The following RAPGEFL1 variants were observed in gnomAD, a reference collection of about 807,000 sequenced individuals.
RAPGEFL1 encodes the protein Rap guanine nucleotide exchange factor like 1.
A neutral mutation model predicts 64.4 loss-of-function variants in RAPGEFL1; 31 were observed. The ratio of observed to expected loss-of-function variants is 0.48; its 90% CI spans 0.36 to 0.65. The LOEUF (loss-of-function observed/expected upper bound fraction) is 0.65. RAPGEFL1 is among the 30% of genes least tolerant of loss of function. The pLI, the probability that RAPGEFL1 is intolerant of heterozygous loss-of-function variation, is 0.00. For synonymous variants in RAPGEFL1, 331 were observed against 274.1 expected, an observed-to-expected ratio of 1.21 and a Z score of -2.05; for missense variants, 682 against 677.4, an observed-to-expected ratio of 1.01 and a Z score of -0.08.
chr17:40,191,168 G>T lies in RAPGEFL1; in HGVS notation c.1336-148G>T. 1.4e-6 allele frequency: 1 copy of T among 708,774 alleles called. No individual in the cohort carries two copies. The highest frequency in any genetic ancestry group is 2.2e-6 in the Non-Finnish European group (1 of 447,170). The allele number at this position is 708,774 out of a possible 1,614,324, so 43.9% of individuals were successfully genotyped here. ...TGTTTTCTTTTTCCGCATCTTTGCC[G>T]CCTCCTGTCCTTTCTATTTTTCTAT... On this transcript the variant is annotated intron_variant, in intron 8 of 14. Transcript: ENST00000620260. The surrounding 1 kb of genome is among the most constrained non-coding windows in gnomAD (Gnocchi z 5.1).
At position 40,183,835 on chromosome 17, in the gene RAPGEFL1, CTTTTTTTTTTTTT is replaced by C. The variant is rs34505274; in HGVS notation, c.600-365_600-353del. Among the ~76,000 whole-genome samples the C allele has an allele frequency of 8.8e-5, 5 of 56,880 alleles. 1 individual carries two copies. The highest frequency in any genetic ancestry group is 1.1e-3 in the East Asian group (2 of 1,852). The allele number at this position is 56,880 out of a possible 152,430, so 37.3% of individuals were successfully genotyped here. On this transcript the variant is annotated intron_variant, in intron 2 of 14. Transcript: ENST00000620260. Reference sequence around the variant, plus strand: ...CGCGCCTGGCCTTTTTTTTTTTTGCCTTTTTTTTTTTTTTTTTTTTTTTTTTGAGACAGAGTCA... The same window carrying C: ...CGCGCCTGGCCTTTTTTTTTTTTGCCTTTTTTTTTTTTTGAGACAGAGTCA...
intron 1 of RAPGEFL1, among the ~76,000 whole-genome samples, chr17:40,180,880 C>T (rs1989873885): frequency 6.6e-6 from 1 of 152,212 alleles, no homozygotes; most frequent in African/African-American, 2.4e-5. Context: ...TGCACCTTGT[C>T]TGTCTGTGTG....
At chr17:40,185,186 G>T (rs1197472557) in intron 4 of RAPGEFL1, among the ~76,000 whole-genome samples, 1 of 152,144 alleles carries the variant, frequency 6.6e-6, no homozygotes, top group Non-Finnish European at 1.5e-5. Flanking sequence ...TAATCCAGTG[G>T]TGTACTGGTA....
upstream of RAPGEFL1, chr17:40,177,407 AG>A (rs1018963465): frequency 2.2e-6 from 1 of 447,336 alleles, no homozygotes; most frequent in African/African-American, 2.0e-5. Flanking sequence ...GGGCGAGCCG[AG>A]GAAGGGTAGG....
At position 40,194,036 on chromosome 17, in the gene RAPGEFL1, G is replaced by C; in HGVS notation, c.*248G>C. 1 of 456,892 alleles carries C rather than the reference G, an allele frequency of 2.2e-6. No individual in the cohort carries two copies. Among genetic ancestry groups the C allele is most frequent in the Non-Finnish European group, 4.0e-6 (1 of 250,010 alleles). The allele number at this position is 456,892 out of a possible 1,614,324, so 28.3% of individuals were successfully genotyped here. A position where few individuals can be genotyped will look rare whatever the true frequency, so the allele number is the denominator to read the frequency against. ...TCCCCTCTGAGAAAGGGGATAGAAA[G>C]CTCCTTCCTCTATGTCCTCCCATCG... On this transcript the variant is annotated 3_prime_UTR_variant, in exon 15 of 15. Transcript: ENST00000620260.
At chr17:40,193,322 T>G (rs1276813617) in intron 13 of RAPGEFL1, 41 bp from the exon 14 acceptor site, 1 of 1,605,666 alleles carries the variant, frequency 6.2e-7, no homozygotes, top group Non-Finnish European at 8.5e-7. Context: ...GGGAGCCTCT[T>G]TCTGTGCCCC....
At chr17:40,180,403 G>T (rs1216924229) in intron 1 of RAPGEFL1, among the ~76,000 whole-genome samples, 1 of 151,976 alleles carries the variant, frequency 6.6e-6, no homozygotes, top group Non-Finnish European at 1.5e-5. Flanking sequence ...AGTCCCAGGT[G>T]AATGAGAATC....
rs1990427573 is a variant in RAPGEFL1, at chr17:40,195,422, C to G, written c.*1634C>G. On this transcript the variant is annotated 3_prime_UTR_variant, in exon 15 of 15. Transcript: ENST00000620260. ...TTCCCAGCCTTCCTCCTGACCCCTTCCAACAGCCTTGGAACTCCAGCTGCC... is the reference window on the plus strand; with the variant it reads ...TTCCCAGCCTTCCTCCTGACCCCTTGCAACAGCCTTGGAACTCCAGCTGCC... The G allele has an allele frequency of 6.5e-6, 1 of 153,350 alleles. No individual in the cohort carries two copies. The highest frequency in any genetic ancestry group is 2.4e-5 in the African/African-American group (1 of 41,436). The allele number at this position is 153,350 out of a possible 1,614,324, so 9.5% of individuals were successfully genotyped here. A position where few individuals can be genotyped will look rare whatever the true frequency, so the allele number is the denominator to read the frequency against.
Position 40,195,026 on chromosome 17 carries a change from C to T in RAPGEFL1, c.*1238C>T, listed in dbSNP as rs1405887085. On this transcript the variant is annotated 3_prime_UTR_variant, in exon 15 of 15. Transcript: ENST00000620260. ...ACTGGGTGAGGTTTCCTGGCACAGACTCACCCTTCTTTCTGGCACCACCTC... is the reference window on the plus strand; with the variant it reads ...ACTGGGTGAGGTTTCCTGGCACAGATTCACCCTTCTTTCTGGCACCACCTC... 1.3e-5 allele frequency: 2 copies of T among 152,694 alleles called. No homozygotes were observed. The highest frequency in any genetic ancestry group is 4.8e-5 in the African/African-American group (2 of 41,458). The allele number at this position is 152,694 out of a possible 1,614,324, so 9.5% of individuals were successfully genotyped here.
chr17:40,182,640 C>T (rs563981427), intron 2 of RAPGEFL1, among the ~76,000 whole-genome samples: 61 of 152,322 alleles, frequency 4.0e-4, no homozygotes, highest in African/African-American at 1.3e-3. Context: ...ACTAAGGGCA[C>T]CTCTATCCCC....
chr17:40,181,284 T>C (rs1989885878), intron 1 of RAPGEFL1: 5 of 491,128 alleles, frequency 1.0e-5, no homozygotes, highest in African/African-American at 1.9e-5. Context: ...TTCTGTGGGC[T>C]ACTTCTTTTT....
At position 40,191,752 on chromosome 17, in the gene RAPGEFL1, C is replaced by T. The variant is rs1025949237; in HGVS notation, c.1605+80C>T. On this transcript the variant is annotated intron_variant, in intron 10 of 14. Transcript: ENST00000620260. This position sits in a 1 kb window ranked among gnomAD's most constrained non-coding sequence, Gnocchi z 5.1. The stretch of plus-strand genomic sequence containing the variant: ...AAGTGCGTCCTCCCGGGACGGCCGC[C>T]GGCCTGGAGGGAGTCTTTGCGCCAG... 4.3e-6 allele frequency: 6 copies of T among 1,411,286 alleles called. No homozygotes were observed. The highest frequency in any genetic ancestry group is 5.9e-6 in the Non-Finnish European group (6 of 1,019,596). 87.4% of individuals were successfully genotyped at this position (1,411,286 alleles called of 1,614,324 possible).
rs537546883 is a variant in RAPGEFL1 at position 40,177,655 on chromosome 17, C to T, written c.-207C>T. 146 of 410,430 alleles carry T rather than the reference C, an allele frequency of 3.6e-4. No homozygotes were observed. Among genetic ancestry groups the T allele is most frequent in the East Asian group, 2.9e-4 (8 of 27,600 alleles). The allele number at this position is 410,430 out of a possible 1,614,324, so 25.4% of individuals were successfully genotyped here. A position where few individuals can be genotyped will look rare whatever the true frequency, so the allele number is the denominator to read the frequency against. On this transcript the variant is annotated 5_prime_UTR_variant, in exon 1 of 15. Transcript: ENST00000620260. ...GGCATGGGGGGTTGCTGAGAGCGAG[C>T]ACTCCTTTCCTCTGGCACCTCCCCC...
At chr17:40,183,876 C>G (rs141882672) in intron 2 of RAPGEFL1, among the ~76,000 whole-genome samples, 1,479 of 82,390 alleles carry the variant, frequency 0.018, 53 homozygotes, top group African/African-American at 0.066. Context: ...CAGAGTCATT[C>G]TCTGTCGCCC....
chr17:40,187,848 C>T (rs892379679), intron 4 of RAPGEFL1, among the ~76,000 whole-genome samples: 2 of 150,764 alleles, frequency 1.3e-5, no homozygotes, highest in Non-Finnish European at 2.9e-5. Context: ...CTCCTGACCT[C>T]GTGATCCGCC....
At chr17:40,187,456 A>C (rs947396532) in intron 4 of RAPGEFL1, among the ~76,000 whole-genome samples, 5 of 152,002 alleles carry the variant, frequency 3.3e-5, no homozygotes, top group African/African-American at 1.2e-4. Flanking sequence ...AGAAAGTGAA[A>C]CATCCCAGCA....
chr17:40,179,986 A>G lies in RAPGEFL1; in HGVS notation c.520+1605A>G, dbSNP rs190993752. 1.8e-3 allele frequency among the ~76,000 whole-genome samples: 281 copies of G among 152,320 alleles called. 3 individuals are homozygous for G. The highest frequency in any genetic ancestry group is 1.8e-3 in the Non-Finnish European group (125 of 68,024). ...ACCACACACCCTGTGTCTCTATGAC[A>G]CATTCCCTAGGGAGGCTGTACATTG... is the stretch of plus-strand genomic sequence containing the variant. On this transcript the variant is annotated intron_variant, in intron 1 of 14. Coordinates refer to ENST00000620260, the MANE Select transcript of RAPGEFL1 (RefSeq NM_016339.6).
chr17:40,185,817 A>G (rs917354409), intron 4 of RAPGEFL1, among the ~76,000 whole-genome samples: 64 of 149,800 alleles, frequency 4.3e-4, no homozygotes, highest in Admixed American at 1.3e-3. Context: ...AAGAAAAATT[A>G]GCTGGGGGTG....
rs548473792 is a variant in RAPGEFL1 at position 40,185,211 on chromosome 17, A to G, written c.833+533A>G. Among the ~76,000 whole-genome samples the G allele has an allele frequency of 8.5e-5, 13 of 152,326 alleles. No homozygotes were observed. In the East Asian group the frequency reaches 1.7e-3, roughly 20 times the overall value. ...GTGTACTGGTAAATATTTAACAACCAGTGCTGCAGGAGAAAGAGCCCTGAT... is the reference window on the plus strand; with the variant it reads ...GTGTACTGGTAAATATTTAACAACCGGTGCTGCAGGAGAAAGAGCCCTGAT... On this transcript the variant is annotated intron_variant, in intron 4 of 14. Coordinates refer to ENST00000620260, the MANE Select transcript of RAPGEFL1 (RefSeq NM_016339.6).
Sources: allele counts gnomAD v4.1 joint callset (sites outside exome capture counted in the v4.1 genomes callset), GRCh38; gene constraint gnomAD v4.1.1; non-coding constraint Gnocchi (gnomAD v3.1); transcripts MANE v1.5; gene names NCBI Gene and HGNC (gene_info 2026-07-23, HGNC 2026-07-21).